ZNF568: variants seen among roughly 807,000 people sequenced by gnomAD.
ZNF568 encodes p53 inhibitor of SCO2 activation.
In ZNF568, 11 loss-of-function variants were observed where a neutral mutation model predicts 18.1. That is an observed-to-expected ratio of 0.61 (90% CI 0.38 to 1.00). ZNF568 has a LOEUF of 1.00. Ranked by LOEUF, ZNF568 falls within the 50% of genes least tolerant of loss-of-function variation. ZNF568 has a pLI of 0.01. For missense variants in ZNF568, 639 were observed against 768.2 expected (o/e 0.83, Z 1.99); for synonymous variants, 213 against 246.6 (o/e 0.86, Z 1.28).
Position 36,942,577 on chromosome 19 carries a change from T to C in ZNF568, c.358+5335T>C, listed in dbSNP as rs1357130504. On this transcript the variant is annotated intron_variant, in intron 6 of 6. Transcript: ENST00000333987. The stretch of plus-strand genomic sequence containing the variant: ...TCACGCCACTGCACTCCAGCCTGGG[T>C]GACAGGACCAGACTCCGTCTCAAAA... 4.8e-5 allele frequency among the ~76,000 whole-genome samples: 6 copies of C among 123,852 alleles called. No individual in the cohort carries two copies. The Admixed American group carries it at 5.2e-4, about 11-fold the overall frequency. 81.3% of individuals were successfully genotyped at this position (123,852 alleles called of 152,430 possible).
At chr19:36,976,306 A>C (rs1869846098) in intron 7 of ZNF568, 1 of 152,228 alleles carries the variant, frequency 6.6e-6, no homozygotes, top group South Asian at 2.1e-4. Context: ...TGAGCCACTT[A>C]TAGTTGGACT....
chr19:36,950,662 A>C lies in ZNF568; in HGVS notation c.1509A>C (p.Ala503=). The C allele has an allele frequency of 6.2e-7, 1 of 1,613,998 alleles. No homozygotes were observed. The highest frequency in any genetic ancestry group is 8.5e-7 in the Non-Finnish European group (1 of 1,179,936). Residue 503 remains alanine (A), a synonymous_variant, in exon 7 of 7, where the codon GCA becomes GCC. Transcript: ENST00000333987. ...QRIHTGEKPY[A]CTVCGKAFSQ... Reference sequence around the variant, plus strand: ...TTCATACGGGTGAGAAACCCTATGCATGTACAGTATGTGGAAAAGCCTTTA... The same window carrying C: ...TTCATACGGGTGAGAAACCCTATGCCTGTACAGTATGTGGAAAAGCCTTTA...
chr19:36,924,125 T>A (rs976272827), intron 3 of ZNF568, among the ~76,000 whole-genome samples: 3 of 152,174 alleles, frequency 2.0e-5, no homozygotes, highest in Non-Finnish European at 4.4e-5. Context: ...TCAAGTTTTT[T>A]AAAAATGTCA....
intron 4 of ZNF568, 49 bp from the exon 5 acceptor site, chr19:36,936,690 TGATCACA>T: frequency 6.4e-7 from 1 of 1,568,690 alleles, no homozygotes; most frequent in Non-Finnish European, 8.7e-7. Flanking sequence ...TTGTATGTTG[TGATCACA>T]ATGCCTAATT....
chr19:36,941,415 C>T (rs1464909962), intron 6 of ZNF568, among the ~76,000 whole-genome samples: 1 of 152,180 alleles, frequency 6.6e-6, no homozygotes, highest in East Asian at 1.9e-4. Flanking sequence ...GATGGCTTGC[C>T]TCCTGATCAG....
chr19:36,956,310 G>T (rs1363274385), downstream of ZNF568, among the ~76,000 whole-genome samples: 1 of 152,150 alleles, frequency 6.6e-6, no homozygotes, highest in Non-Finnish European at 1.5e-5. Context: ...CTTATGCAAG[G>T]TTACACTGTC....
intron 2 of ZNF568, chr19:36,991,033 G>A (rs912445704): frequency 8.6e-6 from 7 of 814,104 alleles, no homozygotes; most frequent in Admixed American, 3.0e-5. Flanking sequence ...TTTCCACACC[G>A]ACCCCTCCAT....
chr19:36,966,891 C>T (rs940527804), intron 6 of ZNF568, among the ~76,000 whole-genome samples: 2 of 152,318 alleles, frequency 1.3e-5, no homozygotes, highest in Non-Finnish European at 1.5e-5. Flanking sequence ...CATGAGAGAC[C>T]GTGTGCTCCA....
At chr19:36,933,870 A>G (rs534943026) in intron 4 of ZNF568, among the ~76,000 whole-genome samples, 31 of 133,128 alleles carry the variant, frequency 2.3e-4, no homozygotes, top group African/African-American at 8.4e-4. Context: ...CAGTGAAGCC[A>G]TCTAGGCCTG....
chr19:36,961,524 C>T (rs2074149902), intron 6 of ZNF568, among the ~76,000 whole-genome samples: 2 of 151,928 alleles, frequency 1.3e-5, no homozygotes, highest in South Asian at 4.2e-4. Context: ...CATTTATATT[C>T]AAAGTTATTA....
At chr19:36,949,141 C>G (rs2074015470) in intron 6 of ZNF568, among the ~76,000 whole-genome samples, 2 of 152,072 alleles carry the variant, frequency 1.3e-5, no homozygotes, top group Non-Finnish European at 2.9e-5. Flanking sequence ...TGCATTCAAG[C>G]CTGTGTGTTT....
At chr19:36,954,085 G>A (rs893469682), downstream of ZNF568, among the ~76,000 whole-genome samples, 16 of 151,746 alleles carry the variant, frequency 1.1e-4, no homozygotes, top group East Asian at 2.3e-3. Flanking sequence ...TTAGCTGGGC[G>A]TGGTGGTGCA....
chr19:36,937,393 A>G (rs2073809100), intron 6 of ZNF568, 151 bp downstream of exon 6: 2 of 564,478 alleles, frequency 3.5e-6, no homozygotes, highest in Middle Eastern at 2.9e-4. Context: ...TTACTGTGAC[A>G]TTTCTAGGTA....
rs1362284475 is a variant in ZNF568 at position 36,937,177 on chromosome 19, T to C, written c.293T>C (p.Phe98Ser). The C allele has an allele frequency of 6.2e-7, 1 of 1,614,050 alleles. No homozygotes were observed. Among genetic ancestry groups the C allele is most frequent in the Non-Finnish European group, 8.5e-7 (1 of 1,179,930 alleles). The change falls in exon 6 of 7, where the codon TTC (phenylalanine) becomes TCC (serine). Residue 98 changes from phenylalanine to serine, a missense_variant. Coordinates refer to ENST00000333987, the MANE Select transcript of ZNF568 (RefSeq NM_198539.4). ...GCQVTKPDVI[F>S]KLEQEEEPWV... is the part of the protein sequence containing the mutation. ...CAAGTCACCAAACCGGATGTGATAT[T>C]CAAGTTGGAGCAAGAAGAGGAGCCC...
Position 36,977,922 on chromosome 19 carries a change from A to T in ZNF568, c.406-1082A>T, listed in dbSNP as rs1600848510. On this transcript the variant is annotated intron_variant, in intron 7 of 7. Coordinates refer to the ZNF568 transcript ENST00000427117. ...AAATTCACCTGCACTTACACTGGCA[A>T]CCTGGGGTCCCCCAGCTCCTACCTT... Among the ~76,000 whole-genome samples the T allele has an allele frequency of 2.0e-5, 3 of 152,180 alleles. No individual in the cohort carries two copies. In the East Asian group the frequency reaches 5.8e-4, roughly 29 times the overall value.
At chr19:36,963,284 C>T (rs1401863648) in intron 6 of ZNF568, among the ~76,000 whole-genome samples, 1 of 152,116 alleles carries the variant, frequency 6.6e-6, no homozygotes, top group Non-Finnish European at 1.5e-5. Flanking sequence ...AATTTCAGAC[C>T]TGTCAATTCA....
chr19:36,950,307 CAG>C lies in ZNF568; in HGVS notation c.1155_1156del (p.Lys388ThrfsTer3), dbSNP rs776931509. On this transcript the variant is annotated frameshift_variant, in exon 7 of 7. Transcript: ENST00000333987. LOFTEE classifies it low-confidence loss of function (END_TRUNC). ...GTTACGCTACATATGAGAAGTCACA[CAG>C]GGGAGAAACCCTATAAATGTAATAA... 37 of 1,614,042 alleles carry C rather than the reference CAG, an allele frequency of 2.3e-5. No homozygotes were observed. The highest frequency in any genetic ancestry group is 1.1e-4 in the African/African-American group (8 of 75,030).
At chr19:36,926,433 C>G (rs932688180) in intron 4 of ZNF568, among the ~76,000 whole-genome samples, 4 of 152,112 alleles carry the variant, frequency 2.6e-5, no homozygotes, top group Admixed American at 2.6e-4. Flanking sequence ...ACCTCTCTGG[C>G]CCTCGACAGG....
intron 2 of ZNF568, among the ~76,000 whole-genome samples, chr19:36,985,125 G>T (rs1644669): frequency 0.57 from 86,712 of 151,986 alleles, 25,554 homozygotes; most frequent in African/African-American, 0.7. Context: ...TTGTCTTTTT[G>T]AATTGCATTC....
Sources: gnomAD v4.1 joint callset for allele counts (sites outside exome capture counted in the v4.1 genomes callset) on GRCh38, gnomAD v4.1.1 for gene constraint, MANE v1.5 for transcripts, NCBI Gene and HGNC (gene_info 2026-07-23, HGNC 2026-07-21) for gene names.